The following PTPRM variants were observed in gnomAD, a reference collection of about 807,000 sequenced individuals.
PTPRM encodes the protein receptor-type tyrosine-protein phosphatase mu.
In PTPRM, 47 loss-of-function variants were observed where a neutral mutation model predicts 186.7. The observed-to-expected ratio is 0.25, with a 90% CI of 0.20 to 0.32. PTPRM has a LOEUF of 0.32. PTPRM is among the 10% of genes least tolerant of loss of function. PTPRM has a pLI of 1.00. For synonymous variants in PTPRM, 668 were observed against 674.9 expected, an observed-to-expected ratio of 0.99 and a Z score of 0.16; for missense variants, 1,494 against 1,865.0, an observed-to-expected ratio of 0.80 and a Z score of 3.66.
At chr18:7,840,646 T>C (rs1443195728) in intron 2 of PTPRM, among the ~76,000 whole-genome samples, 2 of 152,204 alleles carry the variant, frequency 1.3e-5, no homozygotes, top group Non-Finnish European at 1.5e-5. Flanking sequence ...TAGCAGGAAA[T>C]TGACAAATGA....
intron 2 of PTPRM, among the ~76,000 whole-genome samples, chr18:7,854,749 T>A (rs1427294230): frequency 7.5e-6 from 1 of 132,580 alleles, no homozygotes; most frequent in South Asian, 2.4e-4. Flanking sequence ...TTTTTTTTTT[T>A]ACAACTGATA....
chr18:7,646,797 C>T (rs182920624), intron 1 of PTPRM, among the ~76,000 whole-genome samples: 33 of 152,214 alleles, frequency 2.2e-4, no homozygotes, highest in African/African-American at 7.2e-4. Flanking sequence ...CATACTGTGA[C>T]AGTTATTTGA....
intron 2 of PTPRM, among the ~76,000 whole-genome samples, chr18:7,819,611 T>C (rs1305148307): frequency 6.6e-6 from 1 of 152,208 alleles, no homozygotes; most frequent in Non-Finnish European, 1.5e-5. Flanking sequence ...GGTGATCTGA[T>C]TCTTCTAGTA....
intron 14 of PTPRM, among the ~76,000 whole-genome samples, chr18:8,221,709 C>A (rs1360412212): frequency 6.6e-6 from 1 of 152,208 alleles, no homozygotes; most frequent in Non-Finnish European, 1.5e-5. Flanking sequence ...CAGAAGCACA[C>A]TCCTAGCTCA....
intron 2 of PTPRM, among the ~76,000 whole-genome samples, chr18:7,884,924 CAAAAAAAAAAAAAA>C (rs56724615): frequency 1.1e-4 from 4 of 37,844 alleles, no homozygotes; most frequent in South Asian, 2.3e-3. Context: ...AGCTCCATCT[CAAAAAAAAAAAAAA>C]AAAAAAAAAA....
At chr18:8,247,763 A>G in intron 15 of PTPRM, 82 bp from the exon 16 acceptor site, 1 of 994,824 alleles carries the variant, frequency 1.0e-6, no homozygotes, top group Non-Finnish European at 1.6e-6. Context: ...GCATGGAGTC[A>G]CCATGGGTGG....
chr18:8,199,959 T>G (rs2093831179), intron 14 of PTPRM, among the ~76,000 whole-genome samples: 1 of 152,170 alleles, frequency 6.6e-6, no homozygotes, highest in African/African-American at 2.4e-5. Context: ...AAAAAAATCT[T>G]GTTGTTAAAT....
chr18:8,233,662 A>T (rs373442616), intron 14 of PTPRM, among the ~76,000 whole-genome samples: 40 of 152,102 alleles, frequency 2.6e-4, no homozygotes, highest in African/African-American at 9.2e-4. Flanking sequence ...AAAGATGTCT[A>T]TCTTATCATT....
chr18:7,676,673 G>GTA (rs1250788491), intron 1 of PTPRM, among the ~76,000 whole-genome samples: 14 of 150,620 alleles, frequency 9.3e-5, no homozygotes, highest in African/African-American at 3.2e-4. Context: ...ATGTGTGTGT[G>GTA]TGTGTGTGTG....
chr18:8,389,937 T>G (rs905090288), intron 31 of PTPRM, among the ~76,000 whole-genome samples: 1 of 152,150 alleles, frequency 6.6e-6, no homozygotes, highest in Non-Finnish European at 1.5e-5. Context: ...ATAGAGAGTG[T>G]TTTTCTTTAT....
chr18:7,798,528 CA>C (rs200061550), intron 2 of PTPRM, among the ~76,000 whole-genome samples: 347 of 131,038 alleles, frequency 2.6e-3, no homozygotes, highest in South Asian at 4.6e-3. Context: ...GAATCCGTCT[CA>C]AAAAAAAAAA....
At position 8,048,141 on chromosome 18, in the gene PTPRM, T is replaced by G. The variant is rs2087198886; in HGVS notation, c.1133-21545T>G. 2.0e-5 allele frequency among the ~76,000 whole-genome samples: 3 copies of G among 152,170 alleles called. No individual in the cohort carries two copies. In the South Asian group the frequency reaches 6.2e-4, roughly 31 times the overall value. On this transcript the variant is annotated intron_variant, in intron 7 of 32. Coordinates refer to ENST00000580170, the MANE Select transcript of PTPRM (RefSeq NM_001105244.2). ...GATAGAAAAGTATTGCAAAGTAGTC[T>G]GACATTGGTGGGAAAATGGAGTTGA... is the stretch of plus-strand genomic sequence containing the variant.
At position 8,289,451 on chromosome 18, in the gene PTPRM, T is replaced by C. The variant is rs966173437; in HGVS notation, c.2755-6917T>C. Among the ~76,000 whole-genome samples, 22 of 112,682 alleles carry C rather than the reference T, an allele frequency of 2.0e-4. 2 individuals are homozygous for C. Among genetic ancestry groups the C allele is most frequent in the South Asian group, 8.5e-4 (3 of 3,530 alleles). 73.9% of individuals were successfully genotyped at this position (112,682 alleles called of 152,430 possible). A position where few individuals can be genotyped will look rare whatever the true frequency, so the allele number is the denominator to read the frequency against. On this transcript the variant is annotated intron_variant, in intron 19 of 32. Transcript: ENST00000580170. ...ATATATATGTATATATACGTATATATGTATATACATATATATACACACATA... is the reference window on the plus strand; with the variant it reads ...ATATATATGTATATATACGTATATACGTATATACATATATATACACACATA...
intron 19 of PTPRM, among the ~76,000 whole-genome samples, chr18:8,288,370 G>C (rs533520348): frequency 5.6e-4 from 85 of 152,174 alleles, no homozygotes; most frequent in Non-Finnish European, 9.6e-4. Flanking sequence ...GGGAGCCCCA[G>C]GCATGGCTGA....
intron 3 of PTPRM, among the ~76,000 whole-genome samples, chr18:7,905,957 A>C (rs77258924): frequency 0.014 from 2,185 of 152,252 alleles, 48 homozygotes; most frequent in African/African-American, 0.05. Context: ...ACCACAATCC[A>C]AATGTGTGTA....
chr18:7,644,984 T>C (rs1457046613), intron 1 of PTPRM, among the ~76,000 whole-genome samples: 3 of 152,220 alleles, frequency 2.0e-5, no homozygotes, highest in Non-Finnish European at 4.4e-5. Flanking sequence ...TATTAAGTAT[T>C]CAATATATGT....
At chr18:7,795,652 T>G (rs2043591752) in intron 2 of PTPRM, among the ~76,000 whole-genome samples, 2 of 152,114 alleles carry the variant, frequency 1.3e-5, no homozygotes, top group African/African-American at 4.8e-5. Flanking sequence ...GCCTTCCTAT[T>G]GGTACTTTCT....
rs79785781 is a variant in PTPRM at position 7,980,071 on chromosome 18, C to A, written c.1132+24657C>A. Reference sequence around the variant, plus strand: ...TGCCCCTGAGCGTCTTACTCCTCCCCCTTGGCCGTGCCTGTCTTCGCAGCC... The same window carrying A: ...TGCCCCTGAGCGTCTTACTCCTCCCACTTGGCCGTGCCTGTCTTCGCAGCC... On this transcript the variant is annotated intron_variant, in intron 7 of 32. Coordinates refer to ENST00000580170, the MANE Select transcript of PTPRM (RefSeq NM_001105244.2). 3.3e-5 allele frequency among the ~76,000 whole-genome samples: 5 copies of A among 152,040 alleles called. No homozygotes were observed. The East Asian group carries it at 9.7e-4, about 29-fold the overall frequency.
chr18:7,718,697 A>T (rs1189539081), intron 1 of PTPRM, among the ~76,000 whole-genome samples: 1 of 152,200 alleles, frequency 6.6e-6, no homozygotes, highest in Non-Finnish European at 1.5e-5. Context: ...ATCTACAAGG[A>T]ACTCCAACAA....
Sources: gnomAD v4.1 joint callset for allele counts (sites outside exome capture counted in the v4.1 genomes callset) on GRCh38, gnomAD v4.1.1 for gene constraint, MANE v1.5 for transcripts, NCBI Gene and HGNC (gene_info 2026-07-23, HGNC 2026-07-21) for gene names.